DTD1: variants seen among roughly 807,000 people sequenced by gnomAD.
DTD1 encodes the protein D-aminoacyl-tRNA deacylase 1, also known as D-tyrosyl-tRNA deacylase 1 homolog.
A neutral mutation model predicts 25.6 loss-of-function variants in DTD1; 13 were observed. The observed-to-expected ratio is 0.51, with a 90% CI of 0.33 to 0.81. DTD1 has a LOEUF of 0.81. DTD1 is among the 30% of genes least tolerant of loss of function. The pLI is 0.02. For synonymous variants in DTD1, 110 were observed against 103.6 expected, an observed-to-expected ratio of 1.06 and a Z score of -0.37; for missense variants, 193 against 266.4, an observed-to-expected ratio of 0.72 and a Z score of 1.92.
intron 4 of DTD1, among the ~76,000 whole-genome samples, chr20:18,636,465 T>C (rs914834263): frequency 7.2e-5 from 11 of 152,202 alleles, no homozygotes; most frequent in African/African-American, 2.4e-4. Flanking sequence ...GTGATAGAAT[T>C]CTAAAAAATG....
chr20:18,655,522 A>G (rs1349591382), intron 4 of DTD1, among the ~76,000 whole-genome samples: 2 of 151,768 alleles, frequency 1.3e-5, no homozygotes, highest in East Asian at 1.9e-4. Context: ...GGGTAGTATA[A>G]TGGACCATCA....
chr20:18,634,186 C>G (rs2060798859), intron 4 of DTD1, among the ~76,000 whole-genome samples: 1 of 152,130 alleles, frequency 6.6e-6, no homozygotes, highest in Admixed American at 6.5e-5. Flanking sequence ...ATTTTAACAC[C>G]CTAGCCTGCC....
chr20:18,631,979 C>G, intron 4 of DTD1: 1 of 887,864 alleles, frequency 1.1e-6, no homozygotes, highest in Non-Finnish European at 1.3e-6. Context: ...CTAATGTACA[C>G]CATAAGGAGT....
intron 4 of DTD1, among the ~76,000 whole-genome samples, chr20:18,688,557 C>T (rs2061027030): frequency 6.6e-6 from 1 of 152,128 alleles, no homozygotes; most frequent in Admixed American, 6.5e-5. Context: ...GACCCTGCGG[C>T]TTTCCTACAT....
At chr20:18,686,790 C>T (rs1006209632) in intron 4 of DTD1, among the ~76,000 whole-genome samples, 1 of 151,806 alleles carries the variant, frequency 6.6e-6, no homozygotes, top group Admixed American at 6.6e-5. Context: ...TGTTGTCCAC[C>T]GTGTTCTTCC....
chr20:18,724,536 T>C (rs1047938312), intron 4 of DTD1, among the ~76,000 whole-genome samples: 6 of 152,214 alleles, frequency 3.9e-5, no homozygotes, highest in Non-Finnish European at 8.8e-5. Flanking sequence ...AGAGTTTAAC[T>C]TTTTAATAAC....
intron 5 of DTD1, among the ~76,000 whole-genome samples, 183 bp downstream of exon 5, chr20:18,744,454 T>C (rs955023419): frequency 3.3e-5 from 5 of 152,118 alleles, no homozygotes; most frequent in Non-Finnish European, 7.3e-5. Flanking sequence ...ACGCTGCTGA[T>C]AAAGACATAC....
chr20:18,717,032 T>C (rs985347075), intron 4 of DTD1, among the ~76,000 whole-genome samples: 1 of 152,238 alleles, frequency 6.6e-6, no homozygotes, highest in Non-Finnish European at 1.5e-5. Context: ...GTAACTTTAC[T>C]CTGCTTCTTG....
Position 18,631,953 on chromosome 20 carries a change from G to A in DTD1, c.477+3720G>A, listed in dbSNP as rs916118755. The A allele has an allele frequency of 1.3e-5, 12 of 953,598 alleles. No individual in the cohort carries two copies. The South Asian group carries it at 3.9e-4, about 31-fold the overall frequency. 59.1% of individuals were successfully genotyped at this position (953,598 alleles called of 1,614,324 possible). ...GTACAAAGATGCAGTTATTTTGGGT[G>A]AGTAAGTCTCAAGATCTAATGTACA... On this transcript the variant is annotated intron_variant, in intron 4 of 5. Coordinates refer to ENST00000377452, the MANE Select transcript of DTD1 (RefSeq NM_080820.6).
intron 4 of DTD1, among the ~76,000 whole-genome samples, chr20:18,727,125 C>G (rs910457597): frequency 6.6e-6 from 1 of 152,198 alleles, no homozygotes. Context: ...GGGACTTGGC[C>G]GCGTGCCTGG....
chr20:18,606,671 C>T (rs1326401594), intron 3 of DTD1, among the ~76,000 whole-genome samples: 10 of 128,028 alleles, frequency 7.8e-5, no homozygotes, highest in South Asian at 2.5e-4. Context: ...AGTAAACTAT[C>T]GCAAGAACAA....
intron 3 of DTD1, among the ~76,000 whole-genome samples, chr20:18,601,626 G>A (rs1407558098): frequency 2.0e-5 from 3 of 151,394 alleles, no homozygotes; most frequent in Admixed American, 2.0e-4. Context: ...CCTGACCCCC[G>A]AGCAGCCTAA....
At chr20:18,685,488 A>G (rs1319791286) in intron 4 of DTD1, among the ~76,000 whole-genome samples, 1 of 152,160 alleles carries the variant, frequency 6.6e-6, no homozygotes, top group East Asian at 1.9e-4. Context: ...GGCGCCAGGA[A>G]GGGAGAAGGT....
intron 3 of DTD1, chr20:18,620,171 T>C (rs1158558317): frequency 6.6e-6 from 1 of 152,236 alleles, no homozygotes; most frequent in Non-Finnish European, 1.5e-5. Flanking sequence ...TTCTTAAATG[T>C]TTATTTTTTC....
At chr20:18,740,429 A>G (rs1331838089) in intron 4 of DTD1, among the ~76,000 whole-genome samples, 1 of 152,136 alleles carries the variant, frequency 6.6e-6, no homozygotes, top group Non-Finnish European at 1.5e-5. Context: ...CCTGTTCATG[A>G]GTATTTATAT....
At chr20:18,689,754 T>G (rs2061034521) in intron 4 of DTD1, among the ~76,000 whole-genome samples, 1 of 152,238 alleles carries the variant, frequency 6.6e-6, no homozygotes, top group South Asian at 2.1e-4. Flanking sequence ...GTCCAGTACA[T>G]TGGACACTAG....
At chr20:18,758,026 C>T (rs566162769) in intron 5 of DTD1, among the ~76,000 whole-genome samples, 11 of 152,294 alleles carry the variant, frequency 7.2e-5, no homozygotes, top group Admixed American at 3.3e-4. Context: ...AGGAATTTAT[C>T]CATTTCTTCT....
intron 4 of DTD1, among the ~76,000 whole-genome samples, chr20:18,697,888 G>A (rs1035770605): frequency 2.0e-5 from 3 of 152,154 alleles, no homozygotes; most frequent in Non-Finnish European, 2.9e-5. Context: ...GTTTCACTGC[G>A]TTAGCCAGGA....
intron 3 of DTD1, among the ~76,000 whole-genome samples, chr20:18,612,299 G>A (rs143106279): frequency 6.6e-6 from 1 of 152,116 alleles, no homozygotes; most frequent in African/African-American, 2.4e-5. Context: ...CTCCCAAAGT[G>A]CTGGGATTAC....
Sources: gnomAD v4.1 joint callset for allele counts (sites outside exome capture counted in the v4.1 genomes callset) on GRCh38, gnomAD v4.1.1 for gene constraint, MANE v1.5 for transcripts, NCBI Gene and HGNC (gene_info 2026-07-23, HGNC 2026-07-21) for gene names.